The following ABLIM2 variants were observed in gnomAD, a reference collection of about 807,000 sequenced individuals.
ABLIM2 encodes actin-binding LIM protein 2.
In ABLIM2, 53 loss-of-function variants were observed where a neutral mutation model predicts 97.7. That is an observed-to-expected ratio of 0.54 (90% CI 0.44 to 0.68). The LOEUF (loss-of-function observed/expected upper bound fraction) is 0.68, where lower values mean the gene tolerates loss of function less well. Ranked by LOEUF, ABLIM2 falls within the 30% of genes least tolerant of loss-of-function variation. The probability of loss-of-function intolerance (pLI) is 0.00; values close to 1 mark genes in which losing one functional copy is unlikely to be tolerated. For missense variants in ABLIM2, 835 were observed against 867.2 expected (o/e 0.96, Z 0.47); for synonymous variants, 361 against 345.8 (o/e 1.04, Z -0.49).
intron 9 of ABLIM2, among the ~76,000 whole-genome samples, chr4:8,040,629 AG>A (rs1390901336): frequency 6.6e-6 from 1 of 151,450 alleles, no homozygotes; most frequent in Non-Finnish European, 1.5e-5. Context: ...AAAAAAGAAA[AG>A]AAAAGAAAAG....
chr4:8,108,520 G>A (rs1030682174), intron 1 of ABLIM2, among the ~76,000 whole-genome samples: 3 of 152,204 alleles, frequency 2.0e-5, no homozygotes, highest in African/African-American at 4.8e-5. Flanking sequence ...ACTCTCCCTC[G>A]ACAACCAGGA....
intron 20 of ABLIM2, among the ~76,000 whole-genome samples, chr4:7,973,911 G>A (rs2149441321): frequency 6.6e-6 from 1 of 152,280 alleles, no homozygotes; most frequent in Non-Finnish European, 1.5e-5. Context: ...CTGCAGATGC[G>A]GCTCACACTG....
intron 16 of ABLIM2, among the ~76,000 whole-genome samples, chr4:7,997,350 A>G (rs12504635): frequency 0.036 from 5,531 of 152,214 alleles, 354 homozygotes; most frequent in East Asian, 0.3. Flanking sequence ...GATTACAGGC[A>G]TGAGCCACTG....
chr4:8,062,719 A>T (rs187652651), intron 6 of ABLIM2, among the ~76,000 whole-genome samples: 1 of 152,148 alleles, frequency 6.6e-6, no homozygotes, highest in African/African-American at 2.4e-5. Flanking sequence ...GATTACAGGC[A>T]TGAGCCACCA....
chr4:8,091,443 G>A (rs566908186), intron 3 of ABLIM2, among the ~76,000 whole-genome samples: 1,875 of 17,166 alleles, frequency 0.11, 296 homozygotes, highest in Middle Eastern at 0.3. Context: ...AATTAATTAT[G>A]TATTATATAT....
chr4:8,028,852 T>C (rs1779094197), intron 11 of ABLIM2, among the ~76,000 whole-genome samples: 1 of 152,224 alleles, frequency 6.6e-6, no homozygotes, highest in South Asian at 2.1e-4. Flanking sequence ...TGGAAATAAC[T>C]TTGCAAATGA....
At chr4:8,142,042 C>G (rs547177942) in intron 1 of ABLIM2, among the ~76,000 whole-genome samples, 3 of 152,326 alleles carry the variant, frequency 2.0e-5, no homozygotes, top group South Asian at 4.1e-4. Context: ...ACCAGCCCAC[C>G]TCCCTCCAGC....
intron 16 of ABLIM2, among the ~76,000 whole-genome samples, chr4:8,000,067 G>A (rs927337933): frequency 6.6e-6 from 1 of 152,146 alleles, no homozygotes; most frequent in African/African-American, 2.4e-5. Context: ...CCGCTCCTGG[G>A]TGCACGGGCA....
At position 8,130,201 on chromosome 4, in the gene ABLIM2, C is replaced by T. The variant is rs770947015; in HGVS notation, c.11-23564G>A. Among the ~76,000 whole-genome samples, 7 of 152,212 alleles carry T rather than the reference C, an allele frequency of 4.6e-5. No homozygotes were observed. Among genetic ancestry groups the T allele is most frequent in the Non-Finnish European group, 7.3e-5 (5 of 68,040 alleles). On this transcript the variant is annotated intron_variant, in intron 1 of 20. Coordinates refer to ENST00000447017, the MANE Select transcript of ABLIM2 (RefSeq NM_001130083.2). This position sits in a 1 kb window ranked among gnomAD's most constrained non-coding sequence, Gnocchi z 4.2. ...GAACTCAGCCAGCAGGTACTGATGG[C>T]TCACAGGGCCAGGGATGGAGACGCA...
intron 6 of ABLIM2, among the ~76,000 whole-genome samples, chr4:8,074,181 C>A (rs944281073): frequency 6.8e-6 from 1 of 147,468 alleles, no homozygotes. Context: ...CTGCAGGGTG[C>A]GGTGGCTCAC....
In ABLIM2 at chr4:8,123,261, C is replaced by A. The variant is rs1302968476; in HGVS notation, c.11-16624G>T. Among the ~76,000 whole-genome samples the A allele has an allele frequency of 1.3e-5, 2 of 152,152 alleles. No homozygotes were observed. The highest frequency in any genetic ancestry group is 2.9e-5 in the Non-Finnish European group (2 of 68,020). ...CTGTGCAGGCATGGTGTGGGCACAA[C>A]AGCACCAGCCCCATCTCCAACTGGC... On this transcript the variant is annotated intron_variant, in intron 1 of 20. Transcript: ENST00000447017. This position sits in a 1 kb window ranked among gnomAD's most constrained non-coding sequence, Gnocchi z 6.2.
chr4:8,021,371 T>C lies in ABLIM2; in HGVS notation c.1268-1068A>G, dbSNP rs1324195201. Among the ~76,000 whole-genome samples the C allele has an allele frequency of 6.6e-6, 1 of 152,120 alleles. No homozygotes were observed. The highest frequency in any genetic ancestry group is 6.5e-5 in the Admixed American group (1 of 15,280). ...TGACAGACAGATGCAGGGTATTGAA[T>C]GCTTGTGATGAGAGAAGGTGTACGC... On this transcript the variant is annotated intron_variant, in intron 12 of 20. Transcript: ENST00000447017. This position sits in a 1 kb window ranked among gnomAD's most constrained non-coding sequence, Gnocchi z 5.5.
chr4:8,074,089 C>CAAAAAA (rs869080154), intron 6 of ABLIM2, among the ~76,000 whole-genome samples: 35 of 45,726 alleles, frequency 7.7e-4, no homozygotes, highest in African/African-American at 1.2e-3. Context: ...CTCTGTCTCA[C>CAAAAAA]AAAAAAAAAA....
chr4:8,020,432 C>A, intron 12 of ABLIM2, 129 bp from the exon 13 acceptor site: 1 of 836,956 alleles, frequency 1.2e-6, no homozygotes, highest in South Asian at 1.4e-5. Context: ...CCCAGATCCC[C>A]TGCCCAGGGG....
intron 8 of ABLIM2, among the ~76,000 whole-genome samples, chr4:8,051,812 G>C (rs1055873186): frequency 2.0e-5 from 3 of 152,122 alleles, no homozygotes; most frequent in African/African-American, 7.2e-5. Flanking sequence ...GAACATCAGG[G>C]CGCCCTGCAT....
At chr4:8,037,972 G>A (rs1010956865) in intron 9 of ABLIM2, among the ~76,000 whole-genome samples, 1 of 152,168 alleles carries the variant, frequency 6.6e-6, no homozygotes, top group African/African-American at 2.4e-5. Context: ...ACGTGCTCTT[G>A]CCCCTGCCTG....
rs1809698925 is a variant in ABLIM2 at position 8,068,685 on chromosome 4, T to G, written c.676-7631A>C. Among the ~76,000 whole-genome samples, 1 of 152,176 alleles carries G rather than the reference T, an allele frequency of 6.6e-6. No homozygotes were observed. Among genetic ancestry groups the G allele is most frequent in the East Asian group, 1.9e-4 (1 of 5,182 alleles). The stretch of plus-strand genomic sequence containing the variant: ...CACTGGAGAGCTGCCACACTTCCCC[T>G]TGCTTCTTCCCCGCTGCGGGCTCCC... On this transcript the variant is annotated intron_variant, in intron 6 of 20. Coordinates refer to ENST00000447017, the MANE Select transcript of ABLIM2 (RefSeq NM_001130083.2). The surrounding 1 kb of genome is among the most constrained non-coding windows in gnomAD (Gnocchi z 4.5).
At chr4:8,056,977 TAATTA>T (rs1178599492) in intron 7 of ABLIM2, among the ~76,000 whole-genome samples, 1 of 148,586 alleles carries the variant, frequency 6.7e-6, no homozygotes, top group Admixed American at 6.7e-5. Context: ...ATTTCCCAGT[TAATTA>T]AATTAAATAT....
At chr4:8,008,275 T>C in intron 15 of ABLIM2, 75 bp from the exon 16 acceptor site, 1 of 1,415,130 alleles carries the variant, frequency 7.1e-7, no homozygotes, top group Non-Finnish European at 9.8e-7. Context: ...GGACCCTTCT[T>C]GTAGCTTCCT....
Sources: allele counts gnomAD v4.1 joint callset (sites outside exome capture counted in the v4.1 genomes callset), GRCh38; gene constraint gnomAD v4.1.1; non-coding constraint Gnocchi (gnomAD v3.1); transcripts MANE v1.5; gene names NCBI Gene and HGNC (gene_info 2026-07-23, HGNC 2026-07-21).